Variants in GJA3 observed in about 807,000 individuals in gnomAD.
The protein encoded by GJA3 is gap junction protein alpha 3.
For synonymous variants in GJA3, 297 were observed against 292.6 expected, an observed-to-expected ratio of 1.02 and a Z score of -0.15; for missense variants, 571 against 620.3, an observed-to-expected ratio of 0.92 and a Z score of 0.84.
upstream of GJA3, chr13:20,161,098 G>A (rs144875170): frequency 3.9e-3 from 599 of 152,230 alleles, 1 homozygote; most frequent in Non-Finnish European, 6.2e-3. Context: ...GCCGCGCCAC[G>A]CCCCCGCCGC....
At chr13:20,158,106 C>G (rs1338494830) in intron 1 of GJA3, among the ~76,000 whole-genome samples, 1 of 152,290 alleles carries the variant, frequency 6.6e-6, no homozygotes, top group East Asian at 1.9e-4. Context: ...CCAAAAAGTG[C>G]TGGGATTACA....
chr13:20,147,984 G>GGCAA (rs1240434175), intron 1 of GJA3, among the ~76,000 whole-genome samples: 9 of 152,086 alleles, frequency 5.9e-5, no homozygotes, highest in Non-Finnish European at 8.8e-5. Flanking sequence ...AGTGAGCAAG[G>GGCAA]GCAAGGGTGT....
intron 1 of GJA3, among the ~76,000 whole-genome samples, chr13:20,143,732 G>A (rs955961938): frequency 2.6e-5 from 4 of 152,180 alleles, no homozygotes; most frequent in African/African-American, 9.7e-5. Flanking sequence ...CAGAACTTCT[G>A]CCATGTTAAT....
chr13:20,143,181 C>G lies in GJA3; in HGVS notation c.108G>C (p.Val36=), dbSNP rs1040258977. Residue 36 remains valine (V), a synonymous_variant, in exon 2 of 2, where the codon GTG becomes GTC. Coordinates refer to ENST00000241125, the MANE Select transcript of GJA3 (RefSeq NM_021954.4). ...LTVLFIFRIL[V]LGAAAEDVWG... ...ACACGTCCTCCGCCGCGGCCCCCAGCACCAAGATGCGGAAGATGAACAGCA... is the reference window on the plus strand; with the variant it reads ...ACACGTCCTCCGCCGCGGCCCCCAGGACCAAGATGCGGAAGATGAACAGCA... The G allele has an allele frequency of 5.0e-6, 8 of 1,599,910 alleles. No homozygotes were observed. The highest frequency in any genetic ancestry group is 6.8e-6 in the Non-Finnish European group (8 of 1,171,630).
Position 20,142,197 on chromosome 13 carries a change from G to C in GJA3, c.1092C>G (p.His364Gln). The C allele has an allele frequency of 6.6e-7, 1 of 1,520,038 alleles. No individual in the cohort carries two copies. Among genetic ancestry groups the C allele is most frequent in the Non-Finnish European group, 8.8e-7 (1 of 1,136,434 alleles). 94.2% of individuals were successfully genotyped at this position (1,520,038 alleles called of 1,614,324 possible). ...PVGSSSPPLA[H>Q]EAEAGAAPLL... ...GGGGCGCCGCGCCCGCCTCAGCCTCGTGCGCGAGTGGCGGGGAGCTGCTGC... is the reference window on the plus strand; with the variant it reads ...GGGGCGCCGCGCCCGCCTCAGCCTCCTGCGCGAGTGGCGGGGAGCTGCTGC... Residue 364 changes from histidine to glutamine, a missense_variant, in exon 2 of 2, where the codon CAC (histidine) becomes CAG (glutamine). Physicochemically the swap from His to Gln is conservative, Grantham distance 24. Transcript: ENST00000241125.
chr13:20,147,043 G>C (rs936327096), intron 1 of GJA3, among the ~76,000 whole-genome samples: 8 of 152,252 alleles, frequency 5.3e-5, no homozygotes, highest in African/African-American at 1.9e-4. Flanking sequence ...TGTCCAGTGA[G>C]TTGTAAGATG....
rs181393098 is a variant in GJA3, at chr13:20,160,760, C to A, written c.-18+130G>T. 1,137 of 152,224 alleles carry A rather than the reference C, an allele frequency of 7.5e-3. 8 individuals are homozygous for A. Among genetic ancestry groups the A allele is most frequent in the Non-Finnish European group, 0.013 (871 of 67,962 alleles). 9.4% of individuals were successfully genotyped at this position (152,224 alleles called of 1,614,324 possible). ...GAGCCGCACACGTGCCGGGGCTCGG[C>A]TTCCCAGCTCGGCAGTCTCAGCCCG... is the stretch of plus-strand genomic sequence containing the variant. On this transcript the variant is annotated intron_variant, in intron 1 of 1. Transcript: ENST00000241125.
At chr13:20,151,919 A>G (rs1034900783) in intron 1 of GJA3, among the ~76,000 whole-genome samples, 3 of 152,150 alleles carry the variant, frequency 2.0e-5, no homozygotes, top group Non-Finnish European at 2.9e-5. Context: ...TGATGTGAGC[A>G]GTCGAGGTGT....
chr13:20,148,848 C>A (rs1958859770), intron 1 of GJA3, among the ~76,000 whole-genome samples: 1 of 152,136 alleles, frequency 6.6e-6, no homozygotes, highest in African/African-American at 2.4e-5. Flanking sequence ...ATACCACAGC[C>A]CATGTTGTTG....
At chr13:20,150,447 G>A (rs559632953) in intron 1 of GJA3, among the ~76,000 whole-genome samples, 2 of 152,212 alleles carry the variant, frequency 1.3e-5, no homozygotes, top group African/African-American at 2.4e-5. Flanking sequence ...CGGGAGGACC[G>A]CGTCCTGCAC....
At chr13:20,146,655 C>A (rs1368592949) in intron 1 of GJA3, among the ~76,000 whole-genome samples, 4 of 152,250 alleles carry the variant, frequency 2.6e-5, no homozygotes, top group Admixed American at 2.6e-4. Context: ...AGCATTCAGG[C>A]ACTGTGTGTT....
At chr13:20,147,716 C>T (rs1254018389) in intron 1 of GJA3, among the ~76,000 whole-genome samples, 1 of 152,126 alleles carries the variant, frequency 6.6e-6, no homozygotes, top group South Asian at 2.1e-4. Context: ...TTTCATTTTT[C>T]GCAGTTGTAG....
intron 1 of GJA3, among the ~76,000 whole-genome samples, chr13:20,150,403 A>G (rs1456079426): frequency 6.8e-6 from 1 of 146,364 alleles, no homozygotes; most frequent in Non-Finnish European, 1.5e-5. Context: ...GTGTGTGTGA[A>G]GGTGGTCTGG....
chr13:20,161,467 G>C (rs1022099995), upstream of GJA3, among the ~76,000 whole-genome samples: 1 of 152,118 alleles, frequency 6.6e-6, no homozygotes, highest in Non-Finnish European at 1.5e-5. Flanking sequence ...CGGCGAGGTA[G>C]CTGCTCTCCG....
intron 1 of GJA3, among the ~76,000 whole-genome samples, chr13:20,147,280 A>G (rs1337852665): frequency 1.3e-5 from 2 of 152,154 alleles, no homozygotes; most frequent in African/African-American, 4.8e-5. Context: ...CCACTTCCAG[A>G]TTTCTTATGT....
chr13:20,161,419 C>T (rs1446150678), upstream of GJA3, among the ~76,000 whole-genome samples: 2 of 152,094 alleles, frequency 1.3e-5, no homozygotes, highest in Non-Finnish European at 2.9e-5. Context: ...ATGCGCCAGC[C>T]CGCGCCCCGC....
At chr13:20,146,359 C>T (rs1958842731) in intron 1 of GJA3, among the ~76,000 whole-genome samples, 1 of 152,208 alleles carries the variant, frequency 6.6e-6, no homozygotes, top group African/African-American at 2.4e-5. Context: ...AAATGCCTAT[C>T]GTGCACCTGT....
chr13:20,141,947 A>C lies in GJA3; in HGVS notation c.*34T>G, dbSNP rs746787477. On this transcript the variant is annotated 3_prime_UTR_variant, in exon 2 of 2. Coordinates refer to ENST00000241125, the MANE Select transcript of GJA3 (RefSeq NM_021954.4). ...GGTTTTGGTTTCTAAGAAAAAGATC[A>C]CTACACAGCTGTCTGGAGGCAGGCA... 10 of 1,544,988 alleles carry C rather than the reference A, an allele frequency of 6.5e-6. No individual in the cohort carries two copies. The highest frequency in any genetic ancestry group is 1.4e-5 in the African/African-American group (1 of 72,720).
In GJA3 at chr13:20,142,594, T is replaced by A. The variant is rs1459529032; in HGVS notation, c.695A>T (p.Gln232Leu). The part of the protein sequence containing the change: ...IYHLGWKKLK[Q>L]GVTSRLGPDA... ...CGGGCCGAGGCGGCTGGTCACGCCC[T>A]GCTTGAGCTTCTTCCAGCCCAGGTG... is the stretch of plus-strand genomic sequence containing the variant. The change falls in exon 2 of 2, where the codon CAG becomes CTG. Residue 232 changes from glutamine to leucine, a missense_variant. By Grantham distance (113) the Gln-to-Leu change is moderately radical. Coordinates refer to ENST00000241125, the MANE Select transcript of GJA3 (RefSeq NM_021954.4). 6.2e-7 allele frequency: 1 copy of A among 1,610,974 alleles called. No individual in the cohort carries two copies. The highest frequency in any genetic ancestry group is 8.5e-7 in the Non-Finnish European group (1 of 1,178,998).
Sources: gnomAD v4.1 joint callset for allele counts (sites outside exome capture counted in the v4.1 genomes callset) on GRCh38, gnomAD v4.1.1 for gene constraint, MANE v1.5 for transcripts, NCBI Gene and HGNC (gene_info 2026-07-23, HGNC 2026-07-21) for gene names.